Variants in NAV2 observed in about 807,000 individuals in gnomAD.
NAV2 encodes neuron navigator 2, also known as helicase, APC down-regulated 1.
In NAV2, 54 loss-of-function variants were observed where a neutral mutation model predicts 223.2. The ratio of observed to expected loss-of-function variants is 0.24; its 90% CI spans 0.19 to 0.30. The LOEUF (loss-of-function observed/expected upper bound fraction) is 0.30, where lower values mean the gene tolerates loss of function less well. NAV2 is among the 10% of genes least tolerant of loss of function. The pLI, the probability that NAV2 is intolerant of heterozygous loss-of-function variation, is 1.00. For synonymous variants in NAV2, 1,279 were observed against 1,239.3 expected, an observed-to-expected ratio of 1.03 and a Z score of -0.67; for missense variants, 2,806 against 3,147.5, an observed-to-expected ratio of 0.89 and a Z score of 2.60.
intron 1 of NAV2, among the ~76,000 whole-genome samples, chr11:19,742,097 A>G (rs1299137060): frequency 1.3e-5 from 2 of 152,046 alleles, no homozygotes; most frequent in Non-Finnish European, 2.9e-5. Flanking sequence ...CCTTTTCCTG[A>G]TGATTAGTGA....
chr11:19,445,706 G>T (rs1851557237), intron 1 of NAV2, among the ~76,000 whole-genome samples: 1 of 151,432 alleles, frequency 6.6e-6, no homozygotes, highest in Non-Finnish European at 1.5e-5. Context: ...GCTGGATCTA[G>T]CTCTGTGGCT....
intron 1 of NAV2, among the ~76,000 whole-genome samples, chr11:19,825,674 A>T (rs540718597): frequency 2.0e-5 from 3 of 152,210 alleles, no homozygotes; most frequent in African/African-American, 7.2e-5. Context: ...TTGAGGGCTA[A>T]TTGCAGTATA....
At chr11:19,612,074 T>C (rs1281898323) in intron 1 of NAV2, among the ~76,000 whole-genome samples, 2 of 152,226 alleles carry the variant, frequency 1.3e-5, no homozygotes, top group Non-Finnish European at 2.9e-5. Flanking sequence ...CAACACTACA[T>C]GGAAGCTGCC....
At chr11:19,688,923 GA>G (rs945531462) in intron 1 of NAV2, among the ~76,000 whole-genome samples, 5 of 152,032 alleles carry the variant, frequency 3.3e-5, no homozygotes, top group African/African-American at 7.2e-5. Flanking sequence ...CAATTTGGAT[GA>G]AAAAAATCAT....
intron 5 of NAV2, among the ~76,000 whole-genome samples, chr11:19,885,737 A>G (rs2040909426): frequency 2.6e-5 from 4 of 152,194 alleles, no homozygotes; most frequent in Admixed American, 1.3e-4. Flanking sequence ...GATTGCAGAG[A>G]TATCCAAGTG....
rs780697971 is a variant in NAV2 at position 19,658,528 on chromosome 11, C to T, written c.76-173956C>T. 4.6e-5 allele frequency among the ~76,000 whole-genome samples: 7 copies of T among 152,236 alleles called. No individual in the cohort carries two copies. In the South Asian group the frequency reaches 8.3e-4, roughly 18 times the overall value. ...TACCAGCCATAGTATCAGATCCATG[C>T]CACCTGGTGGAAGGCAGAGGTGGCA... On this transcript the variant is annotated intron_variant, in intron 1 of 37. Coordinates refer to the NAV2 transcript ENST00000360655.
At chr11:20,020,958 C>T (rs752148368) in intron 11 of NAV2, among the ~76,000 whole-genome samples, 15 of 152,144 alleles carry the variant, frequency 9.9e-5, no homozygotes, top group Non-Finnish European at 1.8e-4. Flanking sequence ...AGGGCCTTTG[C>T]ACTGACCATT....
At chr11:19,393,565 A>G (rs934128147) in intron 1 of NAV2, among the ~76,000 whole-genome samples, 1 of 152,268 alleles carries the variant, frequency 6.6e-6, no homozygotes, top group Non-Finnish European at 1.5e-5. Context: ...ACAATAAAAT[A>G]TATAGTTTTT....
chr11:19,568,093 A>C (rs966387355), intron 1 of NAV2, among the ~76,000 whole-genome samples: 1 of 152,244 alleles, frequency 6.6e-6, no homozygotes, highest in African/African-American at 2.4e-5. Flanking sequence ...TGAATGGATG[A>C]AACATGAATG....
Position 19,469,798 on chromosome 11 carries a change from T to C in NAV2, c.75+118771T>C, listed in dbSNP as rs138675052. Among the ~76,000 whole-genome samples the C allele has an allele frequency of 1.2e-3, 181 of 152,388 alleles. 1 individual carries two copies. Among genetic ancestry groups the C allele is most frequent in the African/African-American group, 4.0e-3 (166 of 41,590 alleles). ...CTTTTTACTGGACTCCTTTCAGTTA[T>C]TGTGTTTACTGTATTGAATTTTCTC... On this transcript the variant is annotated intron_variant, in intron 1 of 37. Transcript: ENST00000360655.
intron 1 of NAV2, among the ~76,000 whole-genome samples, chr11:19,801,814 G>T (rs1349100632): frequency 6.6e-6 from 1 of 152,202 alleles, no homozygotes; most frequent in African/African-American, 2.4e-5. Flanking sequence ...GTGAAATTAA[G>T]AGGACAATAG....
chr11:19,800,479 C>A (rs1371875488), intron 1 of NAV2, among the ~76,000 whole-genome samples: 1 of 152,192 alleles, frequency 6.6e-6, no homozygotes, highest in Non-Finnish European at 1.5e-5. Context: ...AATAATTCTT[C>A]TTCCCATTTC....
intron 2 of NAV2, 108 bp downstream of exon 2, chr11:19,832,709 C>T: frequency 1.2e-6 from 1 of 837,160 alleles, no homozygotes; most frequent in South Asian, 1.5e-5. Context: ...AGCTTTCTGT[C>T]TCATGTCTTG....
At chr11:19,783,970 AAG>A (rs1054428044) in intron 1 of NAV2, among the ~76,000 whole-genome samples, 1 of 152,246 alleles carries the variant, frequency 6.6e-6, no homozygotes, top group African/African-American at 2.4e-5. Context: ...TACTGGAAGA[AAG>A]AGATAATAAG....
At chr11:19,368,655 G>A (rs1040051347) in intron 1 of NAV2, among the ~76,000 whole-genome samples, 1 of 152,146 alleles carries the variant, frequency 6.6e-6, no homozygotes, top group African/African-American at 2.4e-5. Context: ...TATATATCAG[G>A]AACTGTTACG....
intron 1 of NAV2, among the ~76,000 whole-genome samples, chr11:19,572,191 T>C (rs1362164316): frequency 6.6e-6 from 1 of 152,212 alleles, no homozygotes; most frequent in Non-Finnish European, 1.5e-5. Context: ...GCTGCTGCCT[T>C]CCGGATGTCA....
intron 23 of NAV2, 26 bp downstream of exon 23, chr11:20,077,661 C>T (rs2059845335): frequency 6.4e-7 from 1 of 1,566,404 alleles, no homozygotes; most frequent in African/African-American, 1.3e-5. Context: ...TACTTTAACC[C>T]TCCCTACTTG....
intron 1 of NAV2, among the ~76,000 whole-genome samples, chr11:19,398,230 G>A (rs1331836732): frequency 1.2e-4 from 19 of 152,076 alleles, no homozygotes; most frequent in Non-Finnish European, 1.5e-5. Context: ...GTCACATGGG[G>A]AAAGCAGGAG....
intron 1 of NAV2, among the ~76,000 whole-genome samples, chr11:19,471,773 C>T (rs2729880): frequency 0.15 from 23,333 of 152,118 alleles, 1,916 homozygotes; most frequent in East Asian, 0.23. Context: ...TCTAGTGGAG[C>T]TGCGGGCCCT....
Sources: gnomAD v4.1 joint callset for allele counts (sites outside exome capture counted in the v4.1 genomes callset) on GRCh38, gnomAD v4.1.1 for gene constraint, MANE v1.5 for transcripts, NCBI Gene and HGNC (gene_info 2026-07-23, HGNC 2026-07-21) for gene names.